TRAPPC9: variants seen among roughly 807,000 people sequenced by gnomAD.
The protein encoded by TRAPPC9 is trafficking protein particle complex subunit 9.
Under a neutral mutation model 124.0 loss-of-function variants are expected in TRAPPC9, and 83 were observed. That is an observed-to-expected ratio of 0.67 (90% CI 0.56 to 0.80). The LOEUF (loss-of-function observed/expected upper bound fraction) is 0.80. Among genes scored for constraint, TRAPPC9 ranks in the 30% least tolerant of loss-of-function variants. TRAPPC9 has a pLI of 0.00. For missense variants in TRAPPC9, 1,302 were observed against 1,508.3 expected (o/e 0.86, Z 2.27); for synonymous variants, 638 against 617.5 (o/e 1.03, Z -0.49).
intron 19 of TRAPPC9, among the ~76,000 whole-genome samples, chr8:139,980,955 C>G (rs35337603): frequency 6.6e-6 from 1 of 152,088 alleles, no homozygotes; most frequent in Non-Finnish European, 1.5e-5. Flanking sequence ...AACAAAGAGG[C>G]GCGTGGTGTG....
chr8:139,984,815 C>A lies in TRAPPC9; in HGVS notation c.2810+3911G>T, dbSNP rs959700661. On this transcript the variant is annotated intron_variant, in intron 19 of 22. Transcript: ENST00000438773. This position sits in a 1 kb window ranked among gnomAD's most constrained non-coding sequence, Gnocchi z 4.3. ...TCATGGGTATCCCCAGCAGTGGGCACAGCAGGGGAAGCGCCTAAGATGACT... is the reference window on the plus strand; with the variant it reads ...TCATGGGTATCCCCAGCAGTGGGCAAAGCAGGGGAAGCGCCTAAGATGACT... 2.0e-5 allele frequency among the ~76,000 whole-genome samples: 3 copies of A among 152,144 alleles called. No individual in the cohort carries two copies. The highest frequency in any genetic ancestry group is 2.4e-5 in the African/African-American group (1 of 41,418).
intron 19 of TRAPPC9, among the ~76,000 whole-genome samples, chr8:139,944,641 T>A (rs1235229196): frequency 6.6e-6 from 1 of 152,150 alleles, no homozygotes; most frequent in African/African-American, 2.4e-5. Flanking sequence ...CATATATAAA[T>A]ACATACATAT....
At chr8:140,152,355 C>CTTTTTTT (rs34124150) in intron 17 of TRAPPC9, among the ~76,000 whole-genome samples, 11 of 93,856 alleles carry the variant, frequency 1.2e-4, no homozygotes, top group African/African-American at 2.7e-4. Context: ...ATATTGCCAT[C>CTTTTTTT]TTTTTTTTTT....
At chr8:139,857,202 G>A (rs1827856010) in intron 21 of TRAPPC9, among the ~76,000 whole-genome samples, 1 of 152,184 alleles carries the variant, frequency 6.6e-6, no homozygotes, top group Non-Finnish European at 1.5e-5. Context: ...GAGCGGTGGA[G>A]CGCCAGGAGG....
At position 140,183,886 on chromosome 8, in the gene TRAPPC9, GAAGA is replaced by G. The variant is rs2062270761; in HGVS notation, c.2556+37569_2556+37572del. Among the ~76,000 whole-genome samples, 2 of 24,656 alleles carry G rather than the reference GAAGA, an allele frequency of 8.1e-5. 1 individual carries two copies. Among genetic ancestry groups the G allele is most frequent in the African/African-American group, 3.2e-4 (2 of 6,184 alleles). The allele number at this position is 24,656 out of a possible 152,430, so 16.2% of individuals were successfully genotyped here. Reference sequence around the variant, plus strand: ...AAAAGAAGAAGAAGAAGAAGAAGAAGAAGAGGAGAGGAGAGGAGAGGAGAGGAGA... The same window carrying G: ...AAAAGAAGAAGAAGAAGAAGAAGAAGGGAGAGGAGAGGAGAGGAGAGGAGA... On this transcript the variant is annotated intron_variant, in intron 17 of 22. Coordinates refer to ENST00000438773, the MANE Select transcript of TRAPPC9 (RefSeq NM_001160372.4).
intron 10 of TRAPPC9, among the ~76,000 whole-genome samples, chr8:140,303,590 C>G (rs553119494): frequency 6.6e-6 from 1 of 152,206 alleles, no homozygotes; most frequent in African/African-American, 2.4e-5. Flanking sequence ...GATGAGATCA[C>G]GCTTGGCCAC....
At chr8:140,094,261 G>A (rs1435190776) in intron 17 of TRAPPC9, among the ~76,000 whole-genome samples, 1 of 152,192 alleles carries the variant, frequency 6.6e-6, no homozygotes, top group African/African-American at 2.4e-5. Flanking sequence ...TGCACCCACA[G>A]TATGCCTCAT....
Position 139,742,041 on chromosome 8 carries a change from G to A in TRAPPC9, c.3056-9839C>T, listed in dbSNP as rs1188882867. Among the ~76,000 whole-genome samples the A allele has an allele frequency of 2.0e-5, 3 of 152,220 alleles. No homozygotes were observed. Among genetic ancestry groups the A allele is most frequent in the Non-Finnish European group, 2.9e-5 (2 of 68,054 alleles). Reference sequence around the variant, plus strand: ...ATTTCTCATGGGTGTACACCTGACAGCAGACTTGCTGGGTCAAATGGCAAC... The same window carrying A: ...ATTTCTCATGGGTGTACACCTGACAACAGACTTGCTGGGTCAAATGGCAAC... On this transcript the variant is annotated intron_variant, in intron 21 of 22. Coordinates refer to ENST00000438773, the MANE Select transcript of TRAPPC9 (RefSeq NM_001160372.4). The surrounding 1 kb of genome is among the most constrained non-coding windows in gnomAD (Gnocchi z 4.7).
intron 17 of TRAPPC9, chr8:140,040,991 G>T (rs1841240321): frequency 6.6e-6 from 1 of 152,206 alleles, no homozygotes; most frequent in Admixed American, 6.5e-5. Context: ...GCTGGCGCTG[G>T]CATTTACCTT....
At chr8:140,271,388 C>G (rs2064874977) in intron 15 of TRAPPC9, among the ~76,000 whole-genome samples, 1 of 152,154 alleles carries the variant, frequency 6.6e-6, no homozygotes. Context: ...TTAAGAACTT[C>G]TGTTCATCCA....
intron 16 of TRAPPC9, among the ~76,000 whole-genome samples, chr8:140,234,422 C>T: frequency 6.6e-6 from 1 of 152,234 alleles, no homozygotes; most frequent in East Asian, 1.9e-4. Context: ...CCCTCCAGTA[C>T]AGAAAGTTCT....
At chr8:140,335,705 A>ATTTT (rs10622473) in intron 9 of TRAPPC9, among the ~76,000 whole-genome samples, 26,933 of 131,424 alleles carry the variant, frequency 0.2, 3,119 homozygotes, top group Middle Eastern at 0.3. Flanking sequence ...AGTCTTCACA[A>ATTTT]TTTTTTTTTT....
chr8:140,099,383 G>C (rs756427493), intron 17 of TRAPPC9: 1 of 150,556 alleles, frequency 6.6e-6, no homozygotes, highest in Non-Finnish European at 1.5e-5. Context: ...CCTTCCGCAG[G>C]GGAGACAGGT....
At chr8:139,787,708 T>G (rs1822365503) in intron 21 of TRAPPC9, among the ~76,000 whole-genome samples, 2 of 152,198 alleles carry the variant, frequency 1.3e-5, no homozygotes, top group Non-Finnish European at 1.5e-5. Context: ...ACACCACTGT[T>G]TTTCAACGTC....
chr8:140,297,307 C>T (rs2065832676), intron 11 of TRAPPC9, among the ~76,000 whole-genome samples: 1 of 152,106 alleles, frequency 6.6e-6, no homozygotes, highest in African/African-American at 2.4e-5. Context: ...AACGCATACA[C>T]ACACACACAT....
At chr8:139,905,245 G>C (rs1288464523) in intron 20 of TRAPPC9, among the ~76,000 whole-genome samples, 1 of 152,242 alleles carries the variant, frequency 6.6e-6, no homozygotes, top group East Asian at 1.9e-4. Context: ...TCTGGGTCGG[G>C]GGGCTGGGGG....
chr8:139,884,481 C>CT (rs1236675115), intron 21 of TRAPPC9, among the ~76,000 whole-genome samples: 1 of 152,214 alleles, frequency 6.6e-6, no homozygotes, highest in Non-Finnish European at 1.5e-5. Flanking sequence ...GTGGCCCTCC[C>CT]TTCGCTCATT....
intron 21 of TRAPPC9, among the ~76,000 whole-genome samples, chr8:139,848,869 G>A (rs1827270120): frequency 6.6e-6 from 1 of 152,190 alleles, no homozygotes; most frequent in Admixed American, 6.5e-5. Flanking sequence ...CAGCAGGTGT[G>A]CTGTCTAGCC....
intron 19 of TRAPPC9, among the ~76,000 whole-genome samples, chr8:139,964,223 T>TAAA (rs1835544343): frequency 8.4e-5 from 1 of 11,868 alleles, no homozygotes; most frequent in Non-Finnish European, 1.8e-4. Flanking sequence ...AGACTCTGTC[T>TAAA]CAAAAAAAAA....
Sources: allele counts gnomAD v4.1 joint callset (sites outside exome capture counted in the v4.1 genomes callset), GRCh38; gene constraint gnomAD v4.1.1; non-coding constraint Gnocchi (gnomAD v3.1); transcripts MANE v1.5; gene names NCBI Gene and HGNC (gene_info 2026-07-23, HGNC 2026-07-21).